The following TBC1D32 variants were observed in gnomAD, a reference collection of about 807,000 sequenced individuals.
TBC1D32 encodes the protein protein broad-minded.
Under a neutral mutation model 170.3 loss-of-function variants are expected in TBC1D32, and 151 were observed. The ratio of observed to expected loss-of-function variants is 0.89; its 90% CI spans 0.78 to 1.01. The LOEUF is 1.01. TBC1D32 is among the 50% of genes least tolerant of loss of function. The pLI is 0.00. For synonymous variants in TBC1D32, 498 were observed against 488.0 expected, an observed-to-expected ratio of 1.02 and a Z score of -0.27; for missense variants, 1,464 against 1,457.1, an observed-to-expected ratio of 1.00 and a Z score of -0.08.
chr6:121,318,672 T>C (rs1809259873), intron 2 of TBC1D32, among the ~76,000 whole-genome samples: 1 of 151,856 alleles, frequency 6.6e-6, no homozygotes, highest in Admixed American at 6.6e-5. Flanking sequence ...AAAAATACAA[T>C]CTAGCTAACC....
intron 24 of TBC1D32, among the ~76,000 whole-genome samples, chr6:121,146,159 T>G (rs1226270472): frequency 6.6e-6 from 1 of 152,158 alleles, no homozygotes; most frequent in Non-Finnish European, 1.5e-5. Flanking sequence ...CCAATAGAAT[T>G]TGTACATATA....
chr6:121,118,065 A>C (rs1365788291), intron 26 of TBC1D32, among the ~76,000 whole-genome samples: 2 of 152,210 alleles, frequency 1.3e-5, no homozygotes, highest in Non-Finnish European at 2.9e-5. Context: ...TGTGTAGGAT[A>C]CATAACACAT....
At chr6:121,154,889 A>G (rs1345622366) in intron 24 of TBC1D32, among the ~76,000 whole-genome samples, 2 of 152,138 alleles carry the variant, frequency 1.3e-5, no homozygotes, top group Non-Finnish European at 2.9e-5. Context: ...GTACCATGCC[A>G]TGTTGGTTAC....
rs1563339681 is a variant in TBC1D32, at chr6:121,308,047, T to C, written c.619A>G (p.Asn207Asp). ...CAGAGAGTAGTCCAATTTTCACAGT[T>C]GAGGACATCAGATGGAGGAGCTGAA... ...LCSAPPSDVLNCENWTTLCEK... is the reference protein window; with the variant it reads ...LCSAPPSDVLDCENWTTLCEK... The change falls in exon 5 of 32, where the codon AAC becomes GAC. Residue 207 changes from asparagine to aspartate, a missense_variant. Asn to Asp is a conservative substitution (Grantham distance 23). Coordinates refer to ENST00000398212, the MANE Select transcript of TBC1D32 (RefSeq NM_152730.6). 2 of 1,613,894 alleles carry C rather than the reference T, an allele frequency of 1.2e-6. No individual in the cohort carries two copies. Among genetic ancestry groups the C allele is most frequent in the East Asian group, 2.2e-5 (1 of 44,816 alleles).
intron 1 of TBC1D32, among the ~76,000 whole-genome samples, chr6:121,325,708 G>GC (rs1810369341): frequency 6.6e-6 from 1 of 152,128 alleles, no homozygotes; most frequent in East Asian, 1.9e-4. Flanking sequence ...CAGGACATAG[G>GC]CATGGGCAAA....
chr6:121,176,526 G>A lies in TBC1D32; in HGVS notation c.2571-15470C>T, dbSNP rs1027577534. Among the ~76,000 whole-genome samples, 13 of 151,890 alleles carry A rather than the reference G, an allele frequency of 8.6e-5. No individual in the cohort carries two copies. In the South Asian group the frequency reaches 1.0e-3, roughly 12 times the overall value. On this transcript the variant is annotated intron_variant, in intron 22 of 31. Transcript: ENST00000398212. The stretch of plus-strand genomic sequence containing the variant: ...AATTCCACACCATGTTATGGATCAC[G>A]GTCACAACACAGTCAAAATGCACAA...
intron 22 of TBC1D32, among the ~76,000 whole-genome samples, chr6:121,187,754 CAAAA>C (rs67915120): frequency 0.69 from 89,078 of 128,704 alleles, 33,365 homozygotes; most frequent in South Asian, 0.85. Context: ...TGCTCAGGGC[CAAAA>C]AAAAAAAAAA....
At chr6:121,129,949 C>G in intron 25 of TBC1D32, 1 of 441,166 alleles carries the variant, frequency 2.3e-6, no homozygotes, top group Non-Finnish European at 4.5e-6. Flanking sequence ...AAGGGGACAA[C>G]AGGATTAAAT....
intron 14 of TBC1D32, 33 bp from the exon 15 acceptor site, chr6:121,279,278 A>T: frequency 6.3e-7 from 1 of 1,593,726 alleles, no homozygotes; most frequent in South Asian, 1.2e-5. Flanking sequence ...GACAAATCAC[A>T]TAATTTTATG....
chr6:121,155,342 T>A (rs1784749545), intron 24 of TBC1D32, among the ~76,000 whole-genome samples: 1 of 152,150 alleles, frequency 6.6e-6, no homozygotes, highest in African/African-American at 2.4e-5. Context: ...CTTTTGTTCA[T>A]TGATTTTTTA....
chr6:121,236,975 T>C (rs1436176490), intron 20 of TBC1D32: 1 of 152,082 alleles, frequency 6.6e-6, no homozygotes, highest in East Asian at 1.9e-4. Context: ...ACTTACCTAT[T>C]TGCAATTCCC....
At chr6:121,300,491 T>G (rs1416987102) in intron 9 of TBC1D32, among the ~76,000 whole-genome samples, 1 of 151,938 alleles carries the variant, frequency 6.6e-6, no homozygotes, top group Non-Finnish European at 1.5e-5. Flanking sequence ...AAACAAGCAA[T>G]GAGGAAAGGA....
At position 121,299,324 on chromosome 6, in the gene TBC1D32, A is replaced by C. The variant is rs968233538; in HGVS notation, c.1140+122T>G. ...GGATGGTAGTTTAAGATCACATAAA[A>C]GGCGAATTGCTTCATTATCCAATAT... On this transcript the variant is annotated intron_variant, in intron 10 of 31. Coordinates refer to ENST00000398212, the MANE Select transcript of TBC1D32 (RefSeq NM_152730.6). 5.0e-5 allele frequency: 55 copies of C among 1,106,616 alleles called. No homozygotes were observed. In the South Asian group the frequency reaches 7.3e-4, roughly 15 times the overall value. The allele number at this position is 1,106,616 out of a possible 1,614,324, so 68.5% of individuals were successfully genotyped here. A position where few individuals can be genotyped will look rare whatever the true frequency, so the allele number is the denominator to read the frequency against.
intron 30 of TBC1D32, among the ~76,000 whole-genome samples, chr6:121,098,489 G>T (rs755504025): frequency 2.6e-5 from 4 of 151,864 alleles, no homozygotes; most frequent in African/African-American, 7.3e-5. Flanking sequence ...ATTTCTCCAT[G>T]TGTCACACAA....
In TBC1D32 at chr6:121,121,322, C is replaced by T. The variant is rs117292497; in HGVS notation, c.2983+5056G>A. Among the ~76,000 whole-genome samples, 249 of 151,964 alleles carry T rather than the reference C, an allele frequency of 1.6e-3. 1 individual carries two copies. The highest frequency in any genetic ancestry group is 2.6e-3 in the Non-Finnish European group (175 of 67,890). ...GAGCAAAAATTTAGTGAGGCAAATG[C>T]GCAGAATGTGTTTGGGCAGTTAATG... On this transcript the variant is annotated intron_variant, in intron 26 of 31. Coordinates refer to ENST00000398212, the MANE Select transcript of TBC1D32 (RefSeq NM_152730.6).
At chr6:121,235,064 C>G (rs1477677838) in intron 20 of TBC1D32, among the ~76,000 whole-genome samples, 1 of 152,212 alleles carries the variant, frequency 6.6e-6, no homozygotes, top group East Asian at 1.9e-4. Flanking sequence ...TGTGATCCGT[C>G]TTCAGGTCTT....
chr6:121,226,049 T>C (rs1222785587), intron 20 of TBC1D32, among the ~76,000 whole-genome samples: 1 of 152,138 alleles, frequency 6.6e-6, no homozygotes, highest in Non-Finnish European at 1.5e-5. Flanking sequence ...GACTAAAGCA[T>C]AAAATTAATT....
intron 26 of TBC1D32, among the ~76,000 whole-genome samples, chr6:121,117,370 T>C (rs1779788635): frequency 6.6e-6 from 1 of 152,018 alleles, no homozygotes; most frequent in South Asian, 2.1e-4. Flanking sequence ...AAAGCAGCAA[T>C]GAAGACATCA....
At chr6:121,172,579 T>C (rs1231403995) in intron 22 of TBC1D32, among the ~76,000 whole-genome samples, 4 of 152,178 alleles carry the variant, frequency 2.6e-5, no homozygotes, top group Non-Finnish European at 5.9e-5. Flanking sequence ...GCTGAGGTGC[T>C]TGCTGAAGGT....
Sources: allele counts gnomAD v4.1 joint callset (sites outside exome capture counted in the v4.1 genomes callset), GRCh38; gene constraint gnomAD v4.1.1; transcripts MANE v1.5; gene names NCBI Gene and HGNC (gene_info 2026-07-23, HGNC 2026-07-21).